The following LAMA1 variants were observed in gnomAD, a reference collection of about 807,000 sequenced individuals.
LAMA1 encodes the protein laminin subunit alpha-1.
LAMA1 carries 219 observed loss-of-function variants against 348.7 expected under a neutral mutation model. The observed-to-expected ratio is 0.63, with a 90% CI of 0.56 to 0.70. The LOEUF (loss-of-function observed/expected upper bound fraction) is 0.70, where lower values mean the gene tolerates loss of function less well. LAMA1 is among the 30% of genes least tolerant of loss of function. The pLI is 0.00. For synonymous variants in LAMA1, 1,487 were observed against 1,491.0 expected (o/e 1.00, Z 0.06); for missense variants, 3,744 against 3,888.0 (o/e 0.96, Z 0.99).
In LAMA1 at chr18:6,975,976, T is replaced by C. The variant is rs1600364154; in HGVS notation, c.6450A>G (p.Glu2150=). ...CGAGGTAGAAGAGAAGATTATCGGG[T>C]TCCTGTGTCTTAACATTTAGTGTTA... ...NTLTLNVKTQ[E]PDNLLFYLGS... The change falls in exon 45 of 63, where the codon GAA becomes GAG. Residue 2150 remains glutamate (E), a synonymous_variant. Coordinates refer to ENST00000389658, the MANE Select transcript of LAMA1 (RefSeq NM_005559.4). 6.2e-7 allele frequency: 1 copy of C among 1,614,142 alleles called. No homozygotes were observed. Among genetic ancestry groups the C allele is most frequent in the East Asian group, 2.2e-5 (1 of 44,878 alleles).
At chr18:7,046,807 T>C (rs1050701529) in intron 5 of LAMA1, among the ~76,000 whole-genome samples, 1 of 152,220 alleles carries the variant, frequency 6.6e-6, no homozygotes, top group African/African-American at 2.4e-5. Context: ...AGAAATGCAC[T>C]CACCAGTTCT....
At chr18:7,053,300 T>C (rs2058069249) in intron 3 of LAMA1, among the ~76,000 whole-genome samples, 1 of 152,116 alleles carries the variant, frequency 6.6e-6, no homozygotes, top group South Asian at 2.1e-4. Flanking sequence ...ACACAGAATG[T>C]ACAACACCAA....
intron 58 of LAMA1, among the ~76,000 whole-genome samples, chr18:6,949,837 T>C (rs186624316): frequency 4.9e-4 from 75 of 152,362 alleles, no homozygotes; most frequent in African/African-American, 1.6e-3. Flanking sequence ...GGAATTGTGA[T>C]AGGGGCCTGA....
At chr18:6,958,236 G>A (rs1249463871) in intron 55 of LAMA1, among the ~76,000 whole-genome samples, 2 of 152,080 alleles carry the variant, frequency 1.3e-5, no homozygotes, top group African/African-American at 4.8e-5. Context: ...TTTATGGACA[G>A]CCACAGAGAG....
intron 48 of LAMA1, among the ~76,000 whole-genome samples, chr18:6,967,141 C>T (rs967775820): frequency 6.6e-6 from 1 of 152,126 alleles, no homozygotes; most frequent in East Asian, 1.9e-4. Context: ...ACAGTAAAAT[C>T]GTTTCCATGG....
At chr18:7,100,267 A>T (rs1252849894) in intron 1 of LAMA1, among the ~76,000 whole-genome samples, 1 of 151,920 alleles carries the variant, frequency 6.6e-6, no homozygotes. Context: ...AAGATGCTCA[A>T]TGTCATTAAT....
At chr18:7,043,851 T>A (rs1273376306) in intron 7 of LAMA1, among the ~76,000 whole-genome samples, 1 of 152,126 alleles carries the variant, frequency 6.6e-6, no homozygotes, top group Non-Finnish European at 1.5e-5. Flanking sequence ...CACAATACAT[T>A]GTTAAATATA....
At position 7,033,115 on chromosome 18, in the gene LAMA1, T is replaced by C. The variant is rs752139658; in HGVS notation, c.2052-20A>G. The C allele has an allele frequency of 1.2e-5, 18 of 1,525,948 alleles. No individual in the cohort carries two copies. Among genetic ancestry groups the C allele is most frequent in the African/African-American group, 2.7e-5 (2 of 72,890 alleles). The allele number at this position is 1,525,948 out of a possible 1,614,324, so 94.5% of individuals were successfully genotyped here. A position where few individuals can be genotyped will look rare whatever the true frequency, so the allele number is the denominator to read the frequency against. ...TCCAACCTACAAATAGACAGATTGT[T>C]ATGTGACTCACACGCTCGCAAATAC... On this transcript the variant is annotated intron_variant, in intron 14 of 62. Transcript: ENST00000389658.
At chr18:7,054,004 C>T (rs890247342) in intron 3 of LAMA1, among the ~76,000 whole-genome samples, 7 of 152,218 alleles carry the variant, frequency 4.6e-5, no homozygotes, top group East Asian at 3.9e-4. Context: ...CTCCTGGGCT[C>T]AAGTGGTCTG....
Position 6,982,562 on chromosome 18 carries a change from T to A in LAMA1, c.5825A>T (p.Lys1942Ile), listed in dbSNP as rs779172478. ...LLSESLVSNGKAAVQRSSRFL... is the reference protein window; with the variant it reads ...LLSESLVSNGIAAVQRSSRFL... ...TCTGGAGCTGCGCTGCACGGCCGCT[T>A]TCCCGTTAGAAACAAGGGATTCTGA... is the stretch of plus-strand genomic sequence containing the variant. The change falls in exon 41 of 63, where the codon AAA (lysine) becomes ATA (isoleucine). Residue 1942 changes from lysine to isoleucine, a missense_variant. Coordinates refer to ENST00000389658, the MANE Select transcript of LAMA1 (RefSeq NM_005559.4). 48 of 1,614,050 alleles carry A rather than the reference T, an allele frequency of 3.0e-5. No individual in the cohort carries two copies. Among genetic ancestry groups the A allele is most frequent in the Non-Finnish European group, 3.9e-5 (46 of 1,180,038 alleles).
intron 35 of LAMA1, 95 bp from the exon 36 acceptor site, chr18:6,992,815 G>T: frequency 9.5e-7 from 1 of 1,051,818 alleles, no homozygotes; most frequent in Non-Finnish European, 1.4e-6. Context: ...GGACTGCTCT[G>T]TTTACCTAAG....
intron 20 of LAMA1, 78 bp downstream of exon 20, chr18:7,017,200 G>T: frequency 9.2e-7 from 1 of 1,091,102 alleles, no homozygotes; most frequent in Non-Finnish European, 1.4e-6. Flanking sequence ...TACACTTGGG[G>T]ACTTAGCTCC....
intron 9 of LAMA1, among the ~76,000 whole-genome samples, chr18:7,040,963 G>A (rs1330916652): frequency 2.0e-5 from 3 of 152,200 alleles, no homozygotes; most frequent in East Asian, 1.9e-4. Context: ...GGTAATTAAC[G>A]ATTGCCAGGG....
rs148403717 is a variant in LAMA1 at position 7,114,056 on chromosome 18, G to A, written c.61+3604C>T. ...CGTGCCACTGCACTCCAGCCTGGGC[G>A]ACAGAGCGAGACTCCGTCTCAAAAA... On this transcript the variant is annotated intron_variant, in intron 1 of 62. Transcript: ENST00000389658. Among the ~76,000 whole-genome samples the A allele has an allele frequency of 3.3e-4, 45 of 137,532 alleles. 1 individual carries two copies. The East Asian group carries it at 5.9e-3, about 18-fold the overall frequency. The allele number at this position is 137,532 out of a possible 152,430, so 90.2% of individuals were successfully genotyped here.
intron 29 of LAMA1, among the ~76,000 whole-genome samples, chr18:7,005,751 A>C (rs61599570): frequency 6.6e-6 from 1 of 152,066 alleles, no homozygotes; most frequent in African/African-American, 2.4e-5. Flanking sequence ...ATCTTGAAAA[A>C]AATAATAATA....
intron 44 of LAMA1, among the ~76,000 whole-genome samples, chr18:6,977,098 C>T (rs2057686114): frequency 6.6e-6 from 1 of 152,178 alleles, no homozygotes; most frequent in Non-Finnish European, 1.5e-5. Context: ...CTCGAAGTCC[C>T]CAATCACATG....
chr18:7,024,306 A>T, intron 18 of LAMA1, 74 bp downstream of exon 18: 1 of 1,121,142 alleles, frequency 8.9e-7, no homozygotes, highest in Non-Finnish European at 1.3e-6. Flanking sequence ...ACACTTAACT[A>T]CGCATTTAAA....
intron 57 of LAMA1, among the ~76,000 whole-genome samples, chr18:6,952,985 CACGCCA>C (rs2057555337): frequency 1.1e-5 from 1 of 92,094 alleles, no homozygotes; most frequent in Non-Finnish European, 2.6e-5. Flanking sequence ...CCGGCGGATC[CACGCCA>C]TAGGAGCCAT....
At chr18:6,967,621 A>G (rs1568011203) in intron 48 of LAMA1, among the ~76,000 whole-genome samples, 1 of 152,208 alleles carries the variant, frequency 6.6e-6, no homozygotes, top group Non-Finnish European at 1.5e-5. Context: ...ATTATTCTGC[A>G]GTGTTCGGAG....
Sources: gnomAD v4.1 joint callset for allele counts (sites outside exome capture counted in the v4.1 genomes callset) on GRCh38, gnomAD v4.1.1 for gene constraint, MANE v1.5 for transcripts, NCBI Gene and HGNC (gene_info 2026-07-23, HGNC 2026-07-21) for gene names.